Variants in SLC22A23 observed in about 807,000 individuals in gnomAD.
SLC22A23 encodes solute carrier family 22 member 23.
SLC22A23 carries 26 observed loss-of-function variants against 61.0 expected under a neutral mutation model. The observed-to-expected ratio is 0.43, with a 90% CI of 0.31 to 0.59. The LOEUF is 0.59. Among genes scored for constraint, SLC22A23 ranks in the 20% least tolerant of loss-of-function variants. The pLI, the probability that SLC22A23 is intolerant of heterozygous loss-of-function variation, is 0.11. For missense variants in SLC22A23, 796 were observed against 934.7 expected, an observed-to-expected ratio of 0.85 and a Z score of 1.94; for synonymous variants, 430 against 413.9, an observed-to-expected ratio of 1.04 and a Z score of -0.47.
chr6:3,315,306 C>T (rs1289166926), intron 4 of SLC22A23, among the ~76,000 whole-genome samples: 6 of 152,212 alleles, frequency 3.9e-5, no homozygotes, highest in South Asian at 4.1e-4. Flanking sequence ...CTTCCCTTCT[C>T]GTGAACCTGG....
chr6:3,273,772 G>A (rs1758650820), intron 9 of SLC22A23, among the ~76,000 whole-genome samples: 1 of 152,154 alleles, frequency 6.6e-6, no homozygotes, highest in Non-Finnish European at 1.5e-5. Flanking sequence ...CTTGCCATAA[G>A]TAGTATACAA....
chr6:3,429,962 G>C (rs1446267768), intron 1 of SLC22A23, among the ~76,000 whole-genome samples: 1 of 152,190 alleles, frequency 6.6e-6, no homozygotes, highest in African/African-American at 2.4e-5. Context: ...AAAATATCTG[G>C]AGATGGATGG....
Position 3,273,010 on chromosome 6 carries a change from C to G in SLC22A23, c.*45G>C. 2.0e-6 allele frequency: 3 copies of G among 1,484,166 alleles called. No homozygotes were observed. The highest frequency in any genetic ancestry group is 2.7e-6 in the Non-Finnish European group (3 of 1,116,756). The allele number at this position is 1,484,166 out of a possible 1,614,324, so 91.9% of individuals were successfully genotyped here. ...TCGGTCCCTGGTCTGTAAACCTGTG[C>G]CCAAGCTGCCCCAGACCCTGGAGCC... is the stretch of plus-strand genomic sequence containing the variant. On this transcript the variant is annotated 3_prime_UTR_variant, in exon 10 of 10. Transcript: ENST00000406686.
In SLC22A23 at chr6:3,286,724, T is replaced by C; in HGVS notation, c.1546+135A>G. On this transcript the variant is annotated intron_variant, in intron 7 of 9. Transcript: ENST00000406686. The surrounding 1 kb of genome is among the most constrained non-coding windows in gnomAD (Gnocchi z 4.2). ...CCACAGATGCTCTCAACTGAAGCTC[T>C]GTTCTCCCCAAAGCAGCTCCTTCCA... 1 of 802,792 alleles carries C rather than the reference T, an allele frequency of 1.2e-6. No individual in the cohort carries two copies. The highest frequency in any genetic ancestry group is 2.0e-6 in the Non-Finnish European group (1 of 508,720). The allele number at this position is 802,792 out of a possible 1,614,324, so 49.7% of individuals were successfully genotyped here. A position where few individuals can be genotyped will look rare whatever the true frequency, so the allele number is the denominator to read the frequency against.
At chr6:3,424,750 G>A (rs146662481) in intron 1 of SLC22A23, among the ~76,000 whole-genome samples, 42 of 152,298 alleles carry the variant, frequency 2.8e-4, no homozygotes, top group African/African-American at 8.9e-4. Context: ...GCACACAGCC[G>A]TGCTCCTTCA....
chr6:3,434,356 C>T (rs1256077285), intron 1 of SLC22A23, among the ~76,000 whole-genome samples: 1 of 151,530 alleles, frequency 6.6e-6, no homozygotes, highest in Non-Finnish European at 1.5e-5. Context: ...TGGCTTATGC[C>T]TGCAATCCTA....
Position 3,372,408 on chromosome 6 carries a change from G to A in SLC22A23, c.913+37780C>T, listed in dbSNP as rs140723812. Among the ~76,000 whole-genome samples the A allele has an allele frequency of 1.9e-3, 297 of 152,358 alleles. No homozygotes were observed. The highest frequency in any genetic ancestry group is 7.0e-3 in the African/African-American group (290 of 41,592). On this transcript the variant is annotated intron_variant, in intron 3 of 9. Transcript: ENST00000406686. The surrounding 1 kb of genome is among the most constrained non-coding windows in gnomAD (Gnocchi z 4.7). ...CTGGCTGTGCTGGGAAGGGGGGATG[G>A]GCGTGGCTGCTGACAGCACGTAAGG...
intron 3 of SLC22A23, among the ~76,000 whole-genome samples, chr6:3,340,224 G>T (rs1041452871): frequency 1.2e-4 from 18 of 152,168 alleles, no homozygotes; most frequent in Non-Finnish European, 7.3e-5. Context: ...ATGACATTGA[G>T]CAAGAGGCTT....
intron 9 of SLC22A23, among the ~76,000 whole-genome samples, chr6:3,275,707 T>A (rs1372938651): frequency 6.6e-6 from 1 of 152,166 alleles, no homozygotes; most frequent in Non-Finnish European, 1.5e-5. Context: ...CTCAGCCTCC[T>A]GAGTAGCTGG....
chr6:3,304,714 G>A lies in SLC22A23; in HGVS notation c.1083-6496C>T, dbSNP rs890073192. Among the ~76,000 whole-genome samples, 16 of 152,114 alleles carry A rather than the reference G, an allele frequency of 1.1e-4. No individual in the cohort carries two copies. The highest frequency in any genetic ancestry group is 2.0e-4 in the Admixed American group (3 of 15,280). On this transcript the variant is annotated intron_variant, in intron 4 of 9. Transcript: ENST00000406686. This position sits in a 1 kb window ranked among gnomAD's most constrained non-coding sequence, Gnocchi z 4.3. The stretch of plus-strand genomic sequence containing the variant: ...GGAGAGGCCGGGCTCTGCTTGGACC[G>A]TCTTGGAAGATGAGCAGCTGCAGGG...
intron 3 of SLC22A23, among the ~76,000 whole-genome samples, chr6:3,343,492 CTCA>C (rs1226582641): frequency 6.6e-6 from 1 of 151,392 alleles, no homozygotes; most frequent in Non-Finnish European, 1.5e-5. Flanking sequence ...CACACACATC[CTCA>C]TCATTTAGAC....
In SLC22A23 at chr6:3,456,422, G is replaced by A. The variant is rs1772412458; in HGVS notation, c.138C>T (p.Gly46=). ...APLGGRAGPG[G]GAEIQPLPPL... The stretch of plus-strand genomic sequence containing the variant: ...GGGGCAGCGGCTGGATCTCCGCGCC[G>A]CCGCCGGGGCCCGCGCGTCCCCCGA... Residue 46 remains glycine (G), a synonymous_variant, in exon 1 of 10, where the codon GGC becomes GGT. Coordinates refer to ENST00000406686, the MANE Select transcript of SLC22A23 (RefSeq NM_015482.2). The surrounding 1 kb of genome is among the most constrained non-coding windows in gnomAD (Gnocchi z 7.1). 1 of 1,345,996 alleles carries A rather than the reference G, an allele frequency of 7.4e-7. No homozygotes were observed. The highest frequency in any genetic ancestry group is 2.0e-5 in the South Asian group (1 of 50,808). The allele number at this position is 1,345,996 out of a possible 1,614,324, so 83.4% of individuals were successfully genotyped here. A position where few individuals can be genotyped will look rare whatever the true frequency, so the allele number is the denominator to read the frequency against.
intron 1 of SLC22A23, among the ~76,000 whole-genome samples, chr6:3,421,846 A>G (rs2127530309): frequency 6.6e-6 from 1 of 152,352 alleles, no homozygotes; most frequent in East Asian, 1.9e-4. Context: ...CCTATAAATC[A>G]GGCCTACAGG....
chr6:3,400,377 G>T (rs1219454123), intron 3 of SLC22A23, among the ~76,000 whole-genome samples: 1 of 152,200 alleles, frequency 6.6e-6, no homozygotes, highest in Non-Finnish European at 1.5e-5. Flanking sequence ...TCCCTCACAT[G>T]AGTGGGCCTC....
rs1767371221 is a variant in SLC22A23, at chr6:3,387,270, G to A, written c.913+22918C>T. Among the ~76,000 whole-genome samples, 1 of 152,248 alleles carries A rather than the reference G, an allele frequency of 6.6e-6. No homozygotes were observed. Among genetic ancestry groups the A allele is most frequent in the African/African-American group, 2.4e-5 (1 of 41,460 alleles). ...AGCGTGACCAGTGACAGCTCACGCTGACGTCAGAGCTCCTGCCTCGATACG... is the reference window on the plus strand; with the variant it reads ...AGCGTGACCAGTGACAGCTCACGCTAACGTCAGAGCTCCTGCCTCGATACG... On this transcript the variant is annotated intron_variant, in intron 3 of 9. Coordinates refer to ENST00000406686, the MANE Select transcript of SLC22A23 (RefSeq NM_015482.2). This position sits in a 1 kb window ranked among gnomAD's most constrained non-coding sequence, Gnocchi z 5.0.
chr6:3,453,618 C>A (rs1225676696), intron 1 of SLC22A23, among the ~76,000 whole-genome samples: 2 of 152,176 alleles, frequency 1.3e-5, no homozygotes, highest in African/African-American at 4.8e-5. Context: ...CCCTTTCTGA[C>A]ACCTAGGGAC....
chr6:3,300,304 C>A (rs564008705), intron 4 of SLC22A23, among the ~76,000 whole-genome samples: 1 of 152,124 alleles, frequency 6.6e-6, no homozygotes, highest in Non-Finnish European at 1.5e-5. Flanking sequence ...CCACCGTGCC[C>A]GGACTCAGGA....
At chr6:3,332,054 T>A (rs1489493154) in intron 3 of SLC22A23, among the ~76,000 whole-genome samples, 1 of 152,214 alleles carries the variant, frequency 6.6e-6, no homozygotes, top group Non-Finnish European at 1.5e-5. Context: ...TAGAATTATA[T>A]CACGCTTTTG....
Position 3,304,240 on chromosome 6 carries a change from A to C in SLC22A23, c.1083-6022T>G, listed in dbSNP as rs544240656. Among the ~76,000 whole-genome samples, 117 of 152,098 alleles carry C rather than the reference A, an allele frequency of 7.7e-4. No individual in the cohort carries two copies. Among genetic ancestry groups the C allele is most frequent in the African/African-American group, 2.7e-3 (111 of 41,494 alleles). ...GTGCAAGGGCAGACAGGGCTCTGAGACTCTGCCTGCTCCTCAGTGATCACT... is the reference window on the plus strand; with the variant it reads ...GTGCAAGGGCAGACAGGGCTCTGAGCCTCTGCCTGCTCCTCAGTGATCACT... On this transcript the variant is annotated intron_variant, in intron 4 of 9. Coordinates refer to ENST00000406686, the MANE Select transcript of SLC22A23 (RefSeq NM_015482.2). This position sits in a 1 kb window ranked among gnomAD's most constrained non-coding sequence, Gnocchi z 4.3.
Sources: allele counts gnomAD v4.1 joint callset (sites outside exome capture counted in the v4.1 genomes callset), GRCh38; gene constraint gnomAD v4.1.1; non-coding constraint Gnocchi (gnomAD v3.1); transcripts MANE v1.5; gene names NCBI Gene and HGNC (gene_info 2026-07-23, HGNC 2026-07-21).